PLEKHB2: variants seen among roughly 807,000 people sequenced by gnomAD.
PLEKHB2 encodes the protein pleckstrin homology domain containing B2.
In PLEKHB2, 31 loss-of-function variants were observed where a neutral mutation model predicts 36.5. The ratio of observed to expected loss-of-function variants is 0.85; its 90% CI spans 0.64 to 1.15. The LOEUF (loss-of-function observed/expected upper bound fraction) is 1.15. Ranked by LOEUF, PLEKHB2 falls within the 50% of genes most tolerant of loss-of-function variation. The pLI, the probability that PLEKHB2 is intolerant of heterozygous loss-of-function variation, is 0.00. For synonymous variants in PLEKHB2, 119 were observed against 112.0 expected (o/e 1.06, Z -0.39); for missense variants, 262 against 295.3 (o/e 0.89, Z 0.83).
rs558361358 is a variant in PLEKHB2 at position 131,120,954 on chromosome 2, A to C, written c.13A>C (p.Lys5Gln). The C allele has an allele frequency of 2.7e-5, 43 of 1,614,230 alleles. No homozygotes were observed. In the South Asian group the frequency reaches 4.6e-4, roughly 17 times the overall value. The change falls in exon 2 of 8, where the codon AAG (lysine) becomes CAG (glutamine). Residue 5 changes from lysine (K) to glutamine (Q), a missense_variant. Coordinates refer to ENST00000693505, the MANE Select transcript of PLEKHB2 (RefSeq NM_001100623.2). ...TGTAGGTGAAGAGATGGCGTTTGTG[A>C]AGAGTGGCTGGTTGCTGCGACAGAG... MAFVKSGWLLRQSTI... is the reference protein window; with the variant it reads MAFVQSGWLLRQSTI...
intron 1 of PLEKHB2, chr2:131,118,849 CAG>C (rs1270548354): frequency 6.1e-5 from 6 of 97,968 alleles, no homozygotes; most frequent in Non-Finnish European, 9.0e-5. Flanking sequence ...GCCTGGGTGA[CAG>C]AGCAAGATTC....
chr2:131,145,775 T>C (rs1207623115), intron 7 of PLEKHB2, among the ~76,000 whole-genome samples: 1 of 152,238 alleles, frequency 6.6e-6, no homozygotes, highest in Non-Finnish European at 1.5e-5. Flanking sequence ...ATATTTCCAG[T>C]TGTAAATTTT....
intron 1 of PLEKHB2, among the ~76,000 whole-genome samples, chr2:131,115,740 G>A (rs1465804619): frequency 3.3e-5 from 5 of 152,100 alleles, no homozygotes; most frequent in Non-Finnish European, 5.9e-5. Flanking sequence ...GCCTTAGTTG[G>A]TTGTAATAGA....
chr2:131,132,784 T>C, intron 5 of PLEKHB2, 118 bp from the exon 6 acceptor site: 1 of 646,658 alleles, frequency 1.5e-6, no homozygotes, highest in South Asian at 2.1e-5. Context: ...TGCAGAGAGC[T>C]ATGTATCTTT....
At chr2:131,122,862 TA>T (rs1696655633) in intron 2 of PLEKHB2, among the ~76,000 whole-genome samples, 1 of 152,186 alleles carries the variant, frequency 6.6e-6, no homozygotes, top group Non-Finnish European at 1.5e-5. Flanking sequence ...CCAAGTTTCC[TA>T]GTCTTGGGTT....
chr2:131,120,747 G>A, intron 1 of PLEKHB2, 187 bp from the exon 2 acceptor site: 1 of 669,778 alleles, frequency 1.5e-6, no homozygotes, highest in African/African-American at 1.8e-5. Context: ...GAAGGGAGGG[G>A]GTACAGAGTG....
rs72982490 is a variant in PLEKHB2, at chr2:131,129,991, G to A, written c.294-730G>A. 5.8e-3 allele frequency among the ~76,000 whole-genome samples: 877 copies of A among 152,188 alleles called. 9 individuals carry two copies. The highest frequency in any genetic ancestry group is 0.019 in the African/African-American group (800 of 41,524). Reference sequence around the variant, plus strand: ...TTTCAGTCTTTGGAATTTGCCCTGTGGAGATGTTTACATAAGAGTGTAAGG... The same window carrying A: ...TTTCAGTCTTTGGAATTTGCCCTGTAGAGATGTTTACATAAGAGTGTAAGG... On this transcript the variant is annotated intron_variant, in intron 4 of 7. Coordinates refer to ENST00000693505, the MANE Select transcript of PLEKHB2 (RefSeq NM_001100623.2).
chr2:131,135,248 A>G (rs1015458545), intron 6 of PLEKHB2, among the ~76,000 whole-genome samples: 8 of 151,918 alleles, frequency 5.3e-5, no homozygotes, highest in Non-Finnish European at 1.0e-4. Flanking sequence ...TTGTATTTTT[A>G]GTAGAGATGG....
At chr2:131,119,659 G>A (rs936480647) in intron 1 of PLEKHB2, among the ~76,000 whole-genome samples, 4 of 152,190 alleles carry the variant, frequency 2.6e-5, no homozygotes, top group Non-Finnish European at 5.9e-5. Flanking sequence ...AATAGATTTT[G>A]TCAAATTTCC....
chr2:131,146,770 C>T lies in PLEKHB2; in HGVS notation c.666C>T (p.Phe222=), dbSNP rs758709140. The change falls in exon 8 of 8, where the codon TTC becomes TTT. Residue 222 remains phenylalanine, a synonymous_variant. Coordinates refer to ENST00000693505, the MANE Select transcript of PLEKHB2 (RefSeq NM_001100623.2). ...GMALGSLFWV[F] is the part of the protein sequence containing the mutation. ...CCTTAGGGTCTCTATTTTGGGTCTT[C>T]TAGGGGCCTCAAGGTCTTGATGTGC... is the stretch of plus-strand genomic sequence containing the variant. 50 of 1,602,754 alleles carry T rather than the reference C, an allele frequency of 3.1e-5. No homozygotes were observed. The Admixed American group carries it at 8.3e-4, about 27-fold the overall frequency.
intron 7 of PLEKHB2, among the ~76,000 whole-genome samples, chr2:131,145,898 C>T (rs1435973182): frequency 6.6e-6 from 1 of 151,878 alleles, no homozygotes; most frequent in African/African-American, 2.4e-5. Flanking sequence ...AAAGAGTAGG[C>T]CGGGCCGGGC....
At chr2:131,134,238 G>A (rs1038052528) in intron 6 of PLEKHB2, among the ~76,000 whole-genome samples, 1 of 152,032 alleles carries the variant, frequency 6.6e-6, no homozygotes, top group Non-Finnish European at 1.5e-5. Context: ...CTATACTGGA[G>A]TGCAGTGGCA....
chr2:131,111,372 T>G (rs1695303811), intron 1 of PLEKHB2, among the ~76,000 whole-genome samples: 1 of 151,772 alleles, frequency 6.6e-6, no homozygotes, highest in Non-Finnish European at 1.5e-5. Context: ...TTTTTTTTTT[T>G]TTTTTTAGCT....
intron 7 of PLEKHB2, among the ~76,000 whole-genome samples, chr2:131,145,469 A>T (rs1255338451): frequency 1.3e-5 from 2 of 152,136 alleles, no homozygotes. Context: ...GTATGGGATT[A>T]CAGGCATGCG....
At chr2:131,113,111 G>T (rs1695492925) in intron 1 of PLEKHB2, among the ~76,000 whole-genome samples, 1 of 150,958 alleles carries the variant, frequency 6.6e-6, no homozygotes, top group African/African-American at 2.4e-5. Context: ...TTGAGACCGG[G>T]TCTCACTCCT....
At chr2:131,128,064 C>T (rs112072329) in intron 4 of PLEKHB2, among the ~76,000 whole-genome samples, 3,281 of 152,244 alleles carry the variant, frequency 0.022, 122 homozygotes, top group African/African-American at 0.074. Context: ...CTTACTCGGT[C>T]TCAGAAGAAA....
chr2:131,117,304 G>A (rs1208417969), intron 1 of PLEKHB2, among the ~76,000 whole-genome samples: 3 of 152,150 alleles, frequency 2.0e-5, no homozygotes, highest in South Asian at 2.1e-4. Context: ...GCACACGCCC[G>A]TAATTCTAGC....
At chr2:131,144,432 G>A in intron 7 of PLEKHB2, 1 of 1,227,792 alleles carries the variant, frequency 8.1e-7, no homozygotes, top group Non-Finnish European at 1.0e-6. Flanking sequence ...ACACGTCATT[G>A]CACTGCAGTT....
At chr2:131,132,131 ACTTTTT>A (rs1243736575) in intron 5 of PLEKHB2, among the ~76,000 whole-genome samples, 1 of 151,168 alleles carries the variant, frequency 6.6e-6, no homozygotes, top group Non-Finnish European at 1.5e-5. Flanking sequence ...GCGCCTGGCC[ACTTTTT>A]CTTTTTTTTT....
Sources: gnomAD v4.1 joint callset for allele counts (sites outside exome capture counted in the v4.1 genomes callset) on GRCh38, gnomAD v4.1.1 for gene constraint, MANE v1.5 for transcripts, NCBI Gene and HGNC (gene_info 2026-07-23, HGNC 2026-07-21) for gene names.